Variants in CDH23 observed in about 807,000 individuals in gnomAD.
The protein encoded by CDH23 is cadherin-23.
CDH23 carries 189 observed loss-of-function variants against 317.1 expected under a neutral mutation model. The ratio of observed to expected loss-of-function variants is 0.60; its 90% confidence interval spans 0.53 to 0.67. The LOEUF is 0.67. CDH23 is among the 30% of genes least tolerant of loss of function. The probability of loss-of-function intolerance (pLI) is 0.00; values close to 1 mark genes in which losing one functional copy is unlikely to be tolerated. For synonymous variants in CDH23, 1,839 were observed against 1,876.8 expected (o/e 0.98, Z 0.52); for missense variants, 4,401 against 4,592.4 (o/e 0.96, Z 1.20).
At chr10:71,763,315 T>C (rs1840445522) in intron 38 of CDH23, among the ~76,000 whole-genome samples, 1 of 152,216 alleles carries the variant, frequency 6.6e-6, no homozygotes, top group Non-Finnish European at 1.5e-5. Flanking sequence ...GCCAGTGGTA[T>C]TTTTATTTTA....
In CDH23 at chr10:71,805,819, G is replaced by T. The variant is rs763331998; in HGVS notation, c.7886G>T (p.Arg2629Leu). The change falls in exon 56 of 70, where the codon CGC (arginine) becomes CTC (leucine). Residue 2629 changes from arginine to leucine, a missense_variant. Transcript: ENST00000224721. ...ILHIREEIPL[R>L]SNVYEVYATD... Reference sequence around the variant, plus strand: ...TGCTCCCCACAGGAGATCCCGCTGCGCTCCAACGTGTACGAGGTCTACGCC... The same window carrying T: ...TGCTCCCCACAGGAGATCCCGCTGCTCTCCAACGTGTACGAGGTCTACGCC... 3 of 1,613,108 alleles carry T rather than the reference G, an allele frequency of 1.9e-6. No homozygotes were observed. Among genetic ancestry groups the T allele is most frequent in the Non-Finnish European group, 1.7e-6 (2 of 1,179,662 alleles).
intron 6 of CDH23, among the ~76,000 whole-genome samples, chr10:71,538,461 A>C (rs891226519): frequency 2.0e-5 from 3 of 152,036 alleles, no homozygotes; most frequent in Non-Finnish European, 4.4e-5. Context: ...GAGTGAAATG[A>C]CTTGTTCTAG....
intron 14 of CDH23, among the ~76,000 whole-genome samples, chr10:71,654,900 G>C (rs777644542): frequency 7.2e-5 from 11 of 152,160 alleles, no homozygotes; most frequent in Non-Finnish European, 1.2e-4. Context: ...GAATTCTGTT[G>C]GTTTTAAGTC....
At chr10:71,532,711 G>GTTTTTTTTTTTTTTTGTTTTTTT (rs1302196155) in intron 6 of CDH23, among the ~76,000 whole-genome samples, 1 of 128,150 alleles carries the variant, frequency 7.8e-6, no homozygotes, top group Non-Finnish European at 1.8e-5. Flanking sequence ...TTTTGTTTTT[G>GTTTTTTTTTTTTTTTGTTTTTTT]TTTTTTTTTT....
At position 71,791,247 on chromosome 10, in the gene CDH23, G is replaced by T. The variant is rs370170982; in HGVS notation, c.6165G>T (p.Leu2055=). The change falls in exon 47 of 70, where the codon CTG becomes CTT. Residue 2055 remains leucine (L), a synonymous_variant. Coordinates refer to ENST00000224721, the MANE Select transcript of CDH23 (RefSeq NM_022124.6). ...GGCTGCTCAACAGCACGGCCCACCT[G>T]CTCATCACCATCCTGGATGACAATG... ...DIGLLNSTAH[L]LITILDDNDN... is the part of the protein sequence containing the mutation. 5 of 1,613,530 alleles carry T rather than the reference G, an allele frequency of 3.1e-6. No individual in the cohort carries two copies. The highest frequency in any genetic ancestry group is 1.6e-4 in the Middle Eastern group (1 of 6,082).
In CDH23 at chr10:71,555,644, G is replaced by A. The variant is rs545351907; in HGVS notation, c.430-11098G>A. On this transcript the variant is annotated intron_variant, in intron 6 of 69. Coordinates refer to ENST00000224721, the MANE Select transcript of CDH23 (RefSeq NM_022124.6). ...TGTCAGTGATGGCAGGTGGCACTGG[G>A]GGATCTCCAAATTCTACTGTCATTC... Among the ~76,000 whole-genome samples the A allele has an allele frequency of 3.9e-5, 6 of 152,290 alleles. No homozygotes were observed. In the East Asian group the frequency reaches 1.2e-3, roughly 29 times the overall value.
At chr10:71,737,347 T>A (rs1299180907) in intron 34 of CDH23, among the ~76,000 whole-genome samples, 1 of 152,196 alleles carries the variant, frequency 6.6e-6, no homozygotes, top group Non-Finnish European at 1.5e-5. Flanking sequence ...AAATGGAAAA[T>A]CAGAGAGCTT....
At chr10:71,676,675 T>C (rs1334905557) in intron 15 of CDH23, among the ~76,000 whole-genome samples, 1 of 152,188 alleles carries the variant, frequency 6.6e-6, no homozygotes, top group Non-Finnish European at 1.5e-5. Context: ...CCATTCTCTG[T>C]CACTCAGTGA....
intron 6 of CDH23, among the ~76,000 whole-genome samples, chr10:71,543,552 A>G: frequency 6.6e-6 from 1 of 152,258 alleles, no homozygotes; most frequent in Non-Finnish European, 1.5e-5. Context: ...GATTCTGGTT[A>G]TAACAGTGCA....
rs377308209 is a variant in CDH23, at chr10:71,748,600, T to G, written c.4845+6679T>G. The G allele has an allele frequency of 2.0e-5, 3 of 152,386 alleles. No homozygotes were observed. The East Asian group carries it at 5.8e-4, about 29-fold the overall frequency. 9.4% of individuals were successfully genotyped at this position (152,386 alleles called of 1,614,324 possible). A position where few individuals can be genotyped will look rare whatever the true frequency, so the allele number is the denominator to read the frequency against. ...TCCTGATTGATCTCCTAACAATGAATTAGTTCTTAAAAGCATGGATTTCCC... is the reference window on the plus strand; with the variant it reads ...TCCTGATTGATCTCCTAACAATGAAGTAGTTCTTAAAAGCATGGATTTCCC... On this transcript the variant is annotated intron_variant, in intron 38 of 69. Transcript: ENST00000224721.
intron 24 of CDH23, among the ~76,000 whole-genome samples, chr10:71,703,966 G>A (rs1220006617): frequency 1.3e-5 from 2 of 152,218 alleles, no homozygotes; most frequent in African/African-American, 4.8e-5. Context: ...CATACACGAT[G>A]AGGGCCCTCC....
chr10:71,557,376 C>T (rs536447644), intron 6 of CDH23, among the ~76,000 whole-genome samples: 1 of 152,144 alleles, frequency 6.6e-6, no homozygotes, highest in East Asian at 1.9e-4. Flanking sequence ...GAGTGTCCAC[C>T]CTCCTGTCTC....
At chr10:71,480,425 A>G (rs890100837) in intron 3 of CDH23, among the ~76,000 whole-genome samples, 1 of 152,226 alleles carries the variant, frequency 6.6e-6, no homozygotes, top group Non-Finnish European at 1.5e-5. Context: ...GGGCTAGACT[A>G]ACATCAGCCA....
intron 34 of CDH23, among the ~76,000 whole-genome samples, chr10:71,735,036 A>T (rs757025890): frequency 6.6e-6 from 1 of 152,222 alleles, no homozygotes; most frequent in Non-Finnish European, 1.5e-5. Context: ...GGGTCATGCC[A>T]GCATCCCTGC....
In CDH23 at chr10:71,687,635, T is replaced by A. The variant is rs758347555; in HGVS notation, c.1987-12T>A. The A allele has an allele frequency of 6.2e-7, 1 of 1,613,678 alleles. No homozygotes were observed. The highest frequency in any genetic ancestry group is 8.5e-7 in the Non-Finnish European group (1 of 1,179,696). ...CCTGCAGCCTCCTGCAACCTGTCTGTGTTCCTTCCAGGATGAGAATGACAA... is the reference window on the plus strand; with the variant it reads ...CCTGCAGCCTCCTGCAACCTGTCTGAGTTCCTTCCAGGATGAGAATGACAA... On this transcript the variant is annotated splice_polypyrimidine_tract_variant and intron_variant, in intron 18 of 69. Transcript: ENST00000224721.
intron 11 of CDH23, among the ~76,000 whole-genome samples, chr10:71,627,263 G>A (rs1861780662): frequency 1.3e-5 from 2 of 152,182 alleles, no homozygotes; most frequent in East Asian, 1.9e-4. Flanking sequence ...AATATTTGTT[G>A]ACTTCAAAGC....
chr10:71,595,704 G>T (rs956524873), intron 9 of CDH23, among the ~76,000 whole-genome samples: 48 of 152,092 alleles, frequency 3.2e-4, no homozygotes, highest in African/African-American at 1.1e-3. Flanking sequence ...CCTGTCATCC[G>T]CCGAGACAAC....
intron 11 of CDH23, among the ~76,000 whole-genome samples, chr10:71,629,784 C>T (rs1861916369): frequency 6.6e-6 from 1 of 152,098 alleles, no homozygotes; most frequent in Non-Finnish European, 1.5e-5. Context: ...AATCCACAGA[C>T]ACGGGAAGCA....
At chr10:71,680,810 C>CTTTTTT (rs562449159) in intron 17 of CDH23, among the ~76,000 whole-genome samples, 16 of 100,548 alleles carry the variant, frequency 1.6e-4, no homozygotes, top group African/African-American at 2.2e-4. Flanking sequence ...CTCTGTCTTT[C>CTTTTTT]TTTTTTTTTT....
Sources: gnomAD v4.1 joint callset for allele counts (sites outside exome capture counted in the v4.1 genomes callset) on GRCh38, gnomAD v4.1.1 for gene constraint, MANE v1.5 for transcripts, NCBI Gene and HGNC (gene_info 2026-07-23, HGNC 2026-07-21) for gene names.